Variants in ARHGAP24 observed in about 807,000 individuals in gnomAD.
ARHGAP24 encodes rho GTPase-activating protein 24.
In ARHGAP24, 50 loss-of-function variants were observed where a neutral mutation model predicts 76.4. The ratio of observed to expected loss-of-function variants is 0.65; its 90% CI spans 0.52 to 0.83. The LOEUF (loss-of-function observed/expected upper bound fraction) is 0.83. Among genes scored for constraint, ARHGAP24 ranks in the 40% least tolerant of loss-of-function variants. The pLI, the probability that ARHGAP24 is intolerant of heterozygous loss-of-function variation, is 0.00. For missense variants in ARHGAP24, 930 were observed against 914.2 expected (o/e 1.02, Z -0.22); for synonymous variants, 345 against 323.3 (o/e 1.07, Z -0.72).
chr4:85,570,590 C>A lies in ARHGAP24; in HGVS notation c.49C>A (p.Arg17=), dbSNP rs533903357. The A allele has an allele frequency of 3.7e-6, 6 of 1,613,916 alleles. No homozygotes were observed. The highest frequency in any genetic ancestry group is 5.1e-6 in the Non-Finnish European group (6 of 1,180,002). Residue 17 remains arginine (R), a synonymous_variant, in exon 2 of 10, where the codon CGG becomes AGG. Transcript: ENST00000395184. ...STENPQQGQG[R]QNAIKCGWLR... ...GGAGAACCCCCAACAAGGCCAAGGG[C>A]GGCAGAATGCCATCAAGTGTGGGTG...
At chr4:85,874,475 C>T (rs148651061) in intron 3 of ARHGAP24, among the ~76,000 whole-genome samples, 70 of 152,098 alleles carry the variant, frequency 4.6e-4, no homozygotes, top group African/African-American at 1.3e-3. Flanking sequence ...GAAAAAGGCA[C>T]TTCTATAGAT....
chr4:85,711,679 A>G (rs952061157), intron 2 of ARHGAP24, among the ~76,000 whole-genome samples: 2 of 152,248 alleles, frequency 1.3e-5, no homozygotes, highest in South Asian at 2.1e-4. Context: ...CTATAAAACA[A>G]TTTTACTTGG....
intron 2 of ARHGAP24, among the ~76,000 whole-genome samples, chr4:85,670,697 A>G (rs1722788918): frequency 6.6e-6 from 1 of 152,210 alleles, no homozygotes; most frequent in East Asian, 1.9e-4. Flanking sequence ...ACTTAGGACT[A>G]CATTTGTTCT....
chr4:85,774,510 C>G (rs1727238012), intron 3 of ARHGAP24, among the ~76,000 whole-genome samples: 1 of 152,176 alleles, frequency 6.6e-6, no homozygotes, highest in South Asian at 2.1e-4. Context: ...TCTGCTGTTT[C>G]AATAAGAAAA....
intron 2 of ARHGAP24, among the ~76,000 whole-genome samples, chr4:85,584,262 C>T (rs868839744): frequency 7.2e-5 from 11 of 152,036 alleles, no homozygotes; most frequent in Admixed American, 2.6e-4. Flanking sequence ...TATGCAGCCA[C>T]AAAAAATGAT....
At chr4:85,592,045 G>A (rs1209647349) in intron 2 of ARHGAP24, among the ~76,000 whole-genome samples, 1 of 152,052 alleles carries the variant, frequency 6.6e-6, no homozygotes, top group Non-Finnish European at 1.5e-5. Context: ...CGTGACCTTG[G>A]GCTGGATTTG....
intron 5 of ARHGAP24, among the ~76,000 whole-genome samples, chr4:85,944,724 C>G (rs1284557178): frequency 6.6e-6 from 1 of 152,142 alleles, no homozygotes; most frequent in Non-Finnish European, 1.5e-5. Context: ...TGGGTAATAA[C>G]AAATCACAGT....
intron 5 of ARHGAP24, among the ~76,000 whole-genome samples, chr4:85,946,799 T>C (rs770963992): frequency 2.6e-5 from 4 of 152,168 alleles, no homozygotes; most frequent in Non-Finnish European, 4.4e-5. Context: ...CATATAGGTG[T>C]ATGTGTCTTT....
chr4:85,655,705 G>A (rs1722113698), intron 2 of ARHGAP24, among the ~76,000 whole-genome samples: 1 of 150,380 alleles, frequency 6.6e-6, no homozygotes, highest in South Asian at 2.1e-4. Flanking sequence ...CCGGAATGCG[G>A]AGGTTGCAGT....
At chr4:85,792,813 T>C (rs1167959053) in intron 3 of ARHGAP24, among the ~76,000 whole-genome samples, 1 of 152,170 alleles carries the variant, frequency 6.6e-6, no homozygotes, top group African/African-American at 2.4e-5. Flanking sequence ...TCAGATCTTA[T>C]TGTAAAGCAC....
chr4:85,804,276 C>T (rs1010240323), intron 3 of ARHGAP24, among the ~76,000 whole-genome samples: 24 of 152,208 alleles, frequency 1.6e-4, no homozygotes, highest in Admixed American at 1.4e-3. Flanking sequence ...TCCTTTGACC[C>T]AATAACTTAG....
intron 4 of ARHGAP24, among the ~76,000 whole-genome samples, chr4:85,932,313 C>G (rs1736378599): frequency 6.6e-6 from 1 of 152,138 alleles, no homozygotes; most frequent in Non-Finnish European, 1.5e-5. Context: ...GATAGTTTCC[C>G]CTTCTAGTTC....
At chr4:85,886,036 A>G (rs1461116595) in intron 3 of ARHGAP24, among the ~76,000 whole-genome samples, 2 of 152,208 alleles carry the variant, frequency 1.3e-5, no homozygotes, top group Non-Finnish European at 2.9e-5. Flanking sequence ...AATGCCATAA[A>G]GAATTTTGAA....
chr4:85,986,482 C>G (rs1740005192), intron 8 of ARHGAP24, among the ~76,000 whole-genome samples: 1 of 152,030 alleles, frequency 6.6e-6, no homozygotes. Flanking sequence ...GAGGGGAACC[C>G]AGTTATTGCC....
At chr4:85,740,791 G>A (rs1259848426) in intron 3 of ARHGAP24, among the ~76,000 whole-genome samples, 1 of 151,986 alleles carries the variant, frequency 6.6e-6, no homozygotes, top group Non-Finnish European at 1.5e-5. Context: ...GCTCTTCCTT[G>A]CAATCATCCT....
rs148245095 is a variant in ARHGAP24 at position 85,826,169 on chromosome 4, C to T, written c.269-97479C>T. Reference sequence around the variant, plus strand: ...TTCCCCGCCCCTCTCCACAACTCGACCTCTAAAAAATGCTTAAGTAATTGT... The same window carrying T: ...TTCCCCGCCCCTCTCCACAACTCGATCTCTAAAAAATGCTTAAGTAATTGT... On this transcript the variant is annotated intron_variant, in intron 3 of 9. Transcript: ENST00000395184. Among the ~76,000 whole-genome samples the T allele has an allele frequency of 1.5e-3, 233 of 152,216 alleles. 1 individual carries two copies. Among genetic ancestry groups the T allele is most frequent in the African/African-American group, 5.4e-3 (226 of 41,530 alleles).
intron 2 of ARHGAP24, among the ~76,000 whole-genome samples, chr4:85,644,557 C>A (rs1252445396): frequency 6.6e-6 from 1 of 151,800 alleles, no homozygotes; most frequent in Non-Finnish European, 1.5e-5. Context: ...AAAATTTATT[C>A]TTAAGATAGA....
chr4:85,964,943 T>A (rs192535110), intron 5 of ARHGAP24, among the ~76,000 whole-genome samples: 1 of 152,244 alleles, frequency 6.6e-6, no homozygotes, highest in East Asian at 1.9e-4. Context: ...TGTCAAATAT[T>A]CTTTGTACAT....
chr4:85,736,082 C>T (rs1218199714), intron 3 of ARHGAP24, among the ~76,000 whole-genome samples: 1 of 152,250 alleles, frequency 6.6e-6, no homozygotes, highest in African/African-American at 2.4e-5. Context: ...TAGAATGGCT[C>T]CTCCCATCAT....
Sources: allele counts gnomAD v4.1 joint callset (sites outside exome capture counted in the v4.1 genomes callset), GRCh38; gene constraint gnomAD v4.1.1; transcripts MANE v1.5; gene names NCBI Gene and HGNC (gene_info 2026-07-23, HGNC 2026-07-21).